TCF25: variants seen among roughly 807,000 people sequenced by gnomAD.
TCF25 encodes ribosome quality control complex subunit TCF25.
TCF25 carries 41 observed loss-of-function variants against 83.1 expected under a neutral mutation model. That is an observed-to-expected ratio of 0.49 (90% CI 0.38 to 0.64). The LOEUF is 0.64. TCF25 is among the 30% of genes least tolerant of loss of function. The pLI is 0.00. For synonymous variants in TCF25, 458 were observed against 365.0 expected (o/e 1.25, Z -2.90); for missense variants, 979 against 914.5 (o/e 1.07, Z -0.91).
chr16:89,901,649 G>A (rs2044344942), intron 12 of TCF25, among the ~76,000 whole-genome samples: 1 of 80,184 alleles, frequency 1.2e-5, no homozygotes, highest in Non-Finnish European at 2.6e-5. Context: ...GGAGGCTGAG[G>A]CAGGAGAATG....
chr16:89,900,740 G>A lies in TCF25; in HGVS notation c.1327G>A (p.Ala443Thr). ...CCTCCCTGAGTGTGAGCAGAGCTCT[G>A]CCAGGCAGAAGGCCTCTCTCCTGAT... The part of the protein sequence containing the change: ...TDLPECEQSS[A>T]RQKASLLIQQ... The change falls in exon 12 of 18, where the codon GCC (alanine) becomes ACC (threonine). Residue 443 changes from alanine (A) to threonine (T), a missense_variant. By Grantham distance (58) the Ala-to-Thr change is moderately conservative. Transcript: ENST00000263346. 6.3e-7 allele frequency: 1 copy of A among 1,598,976 alleles called. No individual in the cohort carries two copies. Among genetic ancestry groups the A allele is most frequent in the Non-Finnish European group, 8.6e-7 (1 of 1,167,298 alleles).
rs899707394 is a variant in TCF25 at position 89,910,620 on chromosome 16, T to C, written c.1829T>C (p.Ile610Thr). The change falls in exon 17 of 18, where the codon ATT (isoleucine) becomes ACT (threonine). Residue 610 changes from isoleucine (I) to threonine (T), a missense_variant. Ile to Thr is a moderately conservative substitution (Grantham distance 89). Transcript: ENST00000263346. ...AGTCCTATCAGCCATGGAAACACCA[T>C]TGCTCTCTTCTTCCGGTCACTGTTG... is the stretch of plus-strand genomic sequence containing the variant. ...RLSPISHGNT[I>T]ALFFRSLLPN... 2 of 1,610,638 alleles carry C rather than the reference T, an allele frequency of 1.2e-6. No homozygotes were observed. Among genetic ancestry groups the C allele is most frequent in the East Asian group, 2.2e-5 (1 of 44,538 alleles).
At position 89,887,137 on chromosome 16, in the gene TCF25, G is replaced by A. The variant is rs762857537; in HGVS notation, c.549-515G>A. Among the ~76,000 whole-genome samples, 39 of 152,014 alleles carry A rather than the reference G, an allele frequency of 2.6e-4. 1 individual carries two copies. Among genetic ancestry groups the A allele is most frequent in the Non-Finnish European group, 3.7e-4 (25 of 67,992 alleles). ...CAGCCTCGACCTCCTGGGCTCAGGA[G>A]ATTCTCTTGCCTCAGTCTCCCAAAA... On this transcript the variant is annotated intron_variant, in intron 4 of 17. Transcript: ENST00000263346.
intron 12 of TCF25, 195 bp downstream of exon 12, chr16:89,900,989 A>C (rs10153196): frequency 0.13 from 75,283 of 573,888 alleles, 6,658 homozygotes; most frequent in African/African-American, 0.32. Context: ...CTGCGTGCCA[A>C]GCCAGGCACG....
intron 15 of TCF25, 64 bp from the exon 16 acceptor site, chr16:89,907,179 C>G: frequency 1.3e-6 from 2 of 1,526,906 alleles, no homozygotes; most frequent in Non-Finnish European, 1.8e-6. Context: ...AAGGACTCTG[C>G]TGGGAGAGGT....
intron 1 of TCF25, among the ~76,000 whole-genome samples, chr16:89,876,783 GC>G (rs778830939): frequency 1.4e-3 from 206 of 152,268 alleles, no homozygotes; most frequent in Middle Eastern, 3.4e-3. Flanking sequence ...AAAAAAATTA[GC>G]CGGGTGTGGC....
At chr16:89,883,622 C>A (rs1047507085) in intron 2 of TCF25, 110 bp downstream of exon 2, 19 of 1,355,662 alleles carry the variant, frequency 1.4e-5, no homozygotes, top group Non-Finnish European at 3.9e-6. Context: ...TTCCGAGTTC[C>A]ATTTTGGTTA....
intron 16 of TCF25, chr16:89,909,040 C>G (rs146419192): frequency 1.6e-6 from 2 of 1,289,408 alleles, no homozygotes; most frequent in African/African-American, 3.0e-5. Flanking sequence ...TCTTTCCCAT[C>G]TCCACCGAAT....
At chr16:89,888,530 G>T (rs1210299441) in intron 5 of TCF25, among the ~76,000 whole-genome samples, 2 of 150,508 alleles carry the variant, frequency 1.3e-5, no homozygotes, top group African/African-American at 4.9e-5. Context: ...AGAGGTTGCG[G>T]TGAGCTGAGA....
Position 89,894,363 on chromosome 16 carries a change from G to A in TCF25, c.828+505G>A, listed in dbSNP as rs368570942. Among the ~76,000 whole-genome samples the A allele has an allele frequency of 1.2e-3, 184 of 149,354 alleles. 1 individual carries two copies. In the South Asian group the frequency reaches 0.013, roughly 10 times the overall value. ...CCTGGACAGCTCCCCTTGCAGCCCC[G>A]GACGGCCCCCGCGCAGCCCCAGACA... On this transcript the variant is annotated intron_variant, in intron 7 of 17. Transcript: ENST00000263346.
At chr16:89,909,136 A>G (rs2045331018) in intron 16 of TCF25, 1 of 1,283,262 alleles carries the variant, frequency 7.8e-7, no homozygotes, top group Non-Finnish European at 1.0e-6. Flanking sequence ...AAAACATATT[A>G]ATTTTAGAAT....
chr16:89,901,075 G>C (rs2044284546), intron 12 of TCF25: 2 of 329,246 alleles, frequency 6.1e-6, no homozygotes. Context: ...GGGAGGTGCG[G>C]GGCATTGGAT....
At chr16:89,892,863 G>T (rs2144112935) in intron 6 of TCF25, among the ~76,000 whole-genome samples, 1 of 152,328 alleles carries the variant, frequency 6.6e-6, no homozygotes, top group Non-Finnish European at 1.5e-5. Flanking sequence ...TGTGGGAAGG[G>T]AGCTGTGTGG....
rs558339424 is a variant in TCF25 at position 89,908,795 on chromosome 16, C to T, written c.1799+1473C>T. ...CCGCCTCCCTCCTCCCAGTTTCCAC[C>T]TCCCAGCTCCCACCTCGCAGCTCCC... On this transcript the variant is annotated intron_variant, in intron 16 of 17. Transcript: ENST00000263346. Among the ~76,000 whole-genome samples, 7 of 140,040 alleles carry T rather than the reference C, an allele frequency of 5.0e-5. No individual in the cohort carries two copies. In the South Asian group the frequency reaches 1.3e-3, roughly 26 times the overall value. 91.9% of individuals were successfully genotyped at this position (140,040 alleles called of 152,430 possible). A position where few individuals can be genotyped will look rare whatever the true frequency, so the allele number is the denominator to read the frequency against.
intron 9 of TCF25, among the ~76,000 whole-genome samples, chr16:89,897,020 T>G (rs1420700801): frequency 6.7e-6 from 1 of 150,126 alleles, no homozygotes; most frequent in Non-Finnish European, 1.5e-5. Context: ...GAGTGAGACC[T>G]TGTCTCTCAA....
Position 89,887,811 on chromosome 16 carries a change from A to AGG in TCF25, c.614+96_614+97dup, listed in dbSNP as rs1033486197. On this transcript the variant is annotated intron_variant, in intron 5 of 17. Transcript: ENST00000263346. ...TGTTCCTGAAGCTAGTTTACCCTTG[A>AGG]GGGAGAGTATTTAAAGCCAGAGTGC... 42 of 1,239,400 alleles carry AGG rather than the reference A, an allele frequency of 3.4e-5. No individual in the cohort carries two copies. The Admixed American group carries it at 7.5e-4, about 22-fold the overall frequency. The allele number at this position is 1,239,400 out of a possible 1,614,324, so 76.8% of individuals were successfully genotyped here. A position where few individuals can be genotyped will look rare whatever the true frequency, so the allele number is the denominator to read the frequency against.
Position 89,895,938 on chromosome 16 carries a change from T to G in TCF25, c.929-52T>G, listed in dbSNP as rs2043816502. 3 of 1,511,812 alleles carry G rather than the reference T, an allele frequency of 2.0e-6. No homozygotes were observed. The African/African-American group carries it at 4.2e-5, about 21-fold the overall frequency. 93.6% of individuals were successfully genotyped at this position (1,511,812 alleles called of 1,614,324 possible). ...TTGTCCATTATCAGAGGAGGGGCCG[T>G]GGTTGCTGTGTGTGGCCATGACACC... On this transcript the variant is annotated intron_variant, in intron 8 of 17. Coordinates refer to ENST00000263346, the MANE Select transcript of TCF25 (RefSeq NM_014972.3).
rs767081936 is a variant in TCF25 at position 89,887,734 on chromosome 16, G to A, written c.614+17G>A. 30 of 1,550,138 alleles carry A rather than the reference G, an allele frequency of 1.9e-5. No individual in the cohort carries two copies. The South Asian group carries it at 3.3e-4, about 17-fold the overall frequency. On this transcript the variant is annotated intron_variant, in intron 5 of 17. Coordinates refer to ENST00000263346, the MANE Select transcript of TCF25 (RefSeq NM_014972.3). ...GGAGCAAAGGTAAGGTCCACAGTGAGCTGCATTCTCACAGCTGCTTCATTC... is the reference window on the plus strand; with the variant it reads ...GGAGCAAAGGTAAGGTCCACAGTGAACTGCATTCTCACAGCTGCTTCATTC...
intron 3 of TCF25, among the ~76,000 whole-genome samples, chr16:89,885,403 C>T (rs952658621): frequency 1.3e-5 from 2 of 152,108 alleles, no homozygotes; most frequent in African/African-American, 4.8e-5. Flanking sequence ...GACATCTGTC[C>T]CATGCTTATG....
Sources: gnomAD v4.1 joint callset for allele counts (sites outside exome capture counted in the v4.1 genomes callset) on GRCh38, gnomAD v4.1.1 for gene constraint, MANE v1.5 for transcripts, NCBI Gene and HGNC (gene_info 2026-07-23, HGNC 2026-07-21) for gene names.